Variants in PPL observed in about 807,000 individuals in gnomAD.
The protein encoded by PPL is periplakin, also known as 190 kDa paraneoplastic pemphigus antigen.
Under a neutral mutation model 194.4 loss-of-function variants are expected in PPL, and 198 were observed. The observed-to-expected ratio is 1.02, with a 90% CI of 0.91 to 1.15. PPL has a LOEUF of 1.15. Ranked by LOEUF, PPL falls within the 50% of genes most tolerant of loss-of-function variation. The pLI, the probability that PPL is intolerant of heterozygous loss-of-function variation, is 0.00. For synonymous variants in PPL, 1,220 were observed against 972.4 expected, an observed-to-expected ratio of 1.25 and a Z score of -4.74; for missense variants, 2,885 against 2,294.8, an observed-to-expected ratio of 1.26 and a Z score of -5.25.
chr16:4,891,558 C>T (rs1464361069), intron 16 of PPL: 1 of 413,946 alleles, frequency 2.4e-6, no homozygotes, highest in African/African-American at 2.1e-5. Context: ...GTGTTACAGG[C>T]ATGTGCCACT....
intron 9 of PPL, among the ~76,000 whole-genome samples, chr16:4,896,639 GTT>G (rs1387761941): frequency 1.0e-4 from 13 of 129,660 alleles, no homozygotes; most frequent in Admixed American, 1.6e-4. Flanking sequence ...GTACGGGGTT[GTT>G]TTTTTTTTTT....
At chr16:4,918,234 A>C (rs1357708750) in intron 1 of PPL, among the ~76,000 whole-genome samples, 2 of 151,002 alleles carry the variant, frequency 1.3e-5, no homozygotes, top group Non-Finnish European at 2.9e-5. Flanking sequence ...TGGAGGTTGC[A>C]GTGAGCCGAG....
At position 4,919,280 on chromosome 16, in the gene PPL, A is replaced by T. The variant is rs1487497905; in HGVS notation, c.63-8331T>A. ...CCCGGACGTGAAGTCACTACCCAGG[A>T]TCACTTGGGAGGGCAGCCTGTGTAG... On this transcript the variant is annotated intron_variant, in intron 1 of 21. Coordinates refer to ENST00000345988, the MANE Select transcript of PPL (RefSeq NM_002705.5). Among the ~76,000 whole-genome samples the T allele has an allele frequency of 2.6e-5, 4 of 152,172 alleles. No individual in the cohort carries two copies. The East Asian group carries it at 7.7e-4, about 29-fold the overall frequency.
intron 2 of PPL, among the ~76,000 whole-genome samples, chr16:4,905,504 C>T (rs1348878259): frequency 6.6e-6 from 1 of 152,182 alleles, no homozygotes; most frequent in Non-Finnish European, 1.5e-5. Context: ...TATTCTGAAA[C>T]TGATTCATGG....
At chr16:4,897,021 G>A (rs2088443715) in intron 9 of PPL, among the ~76,000 whole-genome samples, 1 of 152,042 alleles carries the variant, frequency 6.6e-6, no homozygotes, top group African/African-American at 2.4e-5. Flanking sequence ...TGCAATGAAT[G>A]CCACTGAATT....
At chr16:4,900,389 C>T (rs555253101) in intron 6 of PPL, among the ~76,000 whole-genome samples, 1 of 147,914 alleles carries the variant, frequency 6.8e-6, no homozygotes, top group South Asian at 2.2e-4. Context: ...GGGCACCTCT[C>T]TTCCCGCCTC....
At chr16:4,919,760 C>G (rs898029996) in intron 1 of PPL, among the ~76,000 whole-genome samples, 2 of 151,950 alleles carry the variant, frequency 1.3e-5, no homozygotes, top group Admixed American at 6.6e-5. Context: ...AAGACCTTGT[C>G]TCTACAAAAA....
chr16:4,927,647 G>A (rs551925088), intron 1 of PPL, among the ~76,000 whole-genome samples: 2 of 152,334 alleles, frequency 1.3e-5, no homozygotes, highest in Admixed American at 1.3e-4. Flanking sequence ...AGAAACTCCT[G>A]TGCTAATTAG....
intron 1 of PPL, among the ~76,000 whole-genome samples, chr16:4,924,115 C>T (rs1019282603): frequency 7.2e-5 from 11 of 152,162 alleles, no homozygotes; most frequent in African/African-American, 2.7e-4. Flanking sequence ...GTATGCAAGG[C>T]CAGCACTGTT....
chr16:4,927,936 A>AAAAT (rs906058949), intron 1 of PPL, among the ~76,000 whole-genome samples: 5 of 152,246 alleles, frequency 3.3e-5, no homozygotes, highest in Admixed American at 2.0e-4. Flanking sequence ...ATTTCTACCA[A>AAAAT]AAATAAATAA....
rs1299064912 is a variant in PPL, at chr16:4,884,469, G to T, written c.4186C>A (p.Arg1396Ser). ...RAELRRLQRR[R>S]TELERQLEEL... ...TCCAGCTGCCGCTCAAGCTCGGTGC[G>T]CCGGCGCTGCAGCCGCCGCAGCTCT... is the stretch of plus-strand genomic sequence containing the variant. Residue 1396 changes from arginine to serine, a missense_variant, in exon 22 of 22, where the codon CGC becomes AGC. Physicochemically the swap from Arg to Ser is moderately radical, Grantham distance 110. Transcript: ENST00000345988. This position sits in a 1 kb window ranked among gnomAD's most constrained non-coding sequence, Gnocchi z 5.7. 1.2e-6 allele frequency: 2 copies of T among 1,602,270 alleles called. No individual in the cohort carries two copies. The highest frequency in any genetic ancestry group is 3.5e-5 in the Admixed American group (2 of 57,048).
intron 9 of PPL, among the ~76,000 whole-genome samples, chr16:4,897,121 G>C (rs892344026): frequency 6.6e-6 from 1 of 151,544 alleles, no homozygotes; most frequent in East Asian, 2.0e-4. Flanking sequence ...GATCACCTGA[G>C]GTCAGGAGTT....
chr16:4,920,184 C>T (rs535766645), intron 1 of PPL, among the ~76,000 whole-genome samples: 6 of 151,090 alleles, frequency 4.0e-5, no homozygotes, highest in East Asian at 2.0e-4. Context: ...CTTGGGAGGC[C>T]GAGGCCGGGG....
rs185893323 is a variant in PPL, at chr16:4,905,841, A to T, written c.163-1801T>A. On this transcript the variant is annotated intron_variant, in intron 2 of 21. Coordinates refer to ENST00000345988, the MANE Select transcript of PPL (RefSeq NM_002705.5). ...CGCTGGAGGCCAGGCACAGTGGCTC[A>T]TATCTGTAATCTTAACACTTTGGGG... Among the ~76,000 whole-genome samples, 593 of 152,324 alleles carry T rather than the reference A, an allele frequency of 3.9e-3. 4 individuals are homozygous for T. Among genetic ancestry groups the T allele is most frequent in the Middle Eastern group, 0.01 (3 of 294 alleles).
chr16:4,924,455 G>A (rs994625823), intron 1 of PPL, among the ~76,000 whole-genome samples: 2 of 152,176 alleles, frequency 1.3e-5, no homozygotes, highest in East Asian at 3.9e-4. Context: ...CAGTCTCTCA[G>A]TTCTGCTGTA....
At chr16:4,897,984 AT>A (rs2088467509) in intron 8 of PPL, among the ~76,000 whole-genome samples, 6 of 152,324 alleles carry the variant, frequency 3.9e-5, no homozygotes, top group Admixed American at 2.0e-4. Context: ...CCACATACGG[AT>A]GCCCAGGCTG....
Position 4,907,903 on chromosome 16 carries a change from C to T in PPL, c.162+2947G>A, listed in dbSNP as rs189159472. Among the ~76,000 whole-genome samples the T allele has an allele frequency of 9.2e-3, 1,397 of 152,102 alleles. 23 individuals are homozygous for T. Among genetic ancestry groups the T allele is most frequent in the African/African-American group, 0.032 (1,339 of 41,474 alleles). On this transcript the variant is annotated intron_variant, in intron 2 of 21. Transcript: ENST00000345988. ...GGGTGCAGTGGCTCACACCTGTAAT[C>T]CCAGCACTTTGGGAGGCCGAGGTGG...
In PPL at chr16:4,888,116, T is replaced by C. The variant is rs761628156; in HGVS notation, c.2500A>G (p.Lys834Glu). Residue 834 changes from lysine (K) to glutamate (E), a missense_variant, in exon 20 of 22, where the codon AAA (lysine) becomes GAA (glutamate). By Grantham distance (56) the Lys-to-Glu change is moderately conservative (BLOSUM62 1). Coordinates refer to ENST00000345988, the MANE Select transcript of PPL (RefSeq NM_002705.5). ...KRARLQSPAT[K>E]VKEEEAALAA... ...ATGGAACTCACCTCTTCCTTCACTT[T>C]GGTGGCAGGAGATTGGAGCCTGGCT... The C allele has an allele frequency of 3.1e-6, 5 of 1,613,242 alleles. No homozygotes were observed. Among genetic ancestry groups the C allele is most frequent in the Admixed American group, 3.3e-5 (2 of 60,024 alleles).
chr16:4,901,941 A>AAAATAAATAAAT (rs61188714), intron 4 of PPL, among the ~76,000 whole-genome samples: 2,143 of 81,834 alleles, frequency 0.026, 51 homozygotes, highest in African/African-American at 0.061. Flanking sequence ...CCTTGTCTCA[A>AAAATAAATAAAT]AAATAAATAA....
Sources: allele counts gnomAD v4.1 joint callset (sites outside exome capture counted in the v4.1 genomes callset), GRCh38; gene constraint gnomAD v4.1.1; non-coding constraint Gnocchi (gnomAD v3.1); transcripts MANE v1.5; gene names NCBI Gene and HGNC (gene_info 2026-07-23, HGNC 2026-07-21).